LRP2BP: variants seen among roughly 807,000 people sequenced by gnomAD.
LRP2BP encodes the protein LRP2-binding protein.
LRP2BP carries 38 observed loss-of-function variants against 45.2 expected under a neutral mutation model. That is an observed-to-expected ratio of 0.84 (90% confidence interval 0.65 to 1.10). The LOEUF is 1.10. Among genes scored for constraint, LRP2BP ranks in the 50% least tolerant of loss-of-function variants. The pLI, the probability that LRP2BP is intolerant of heterozygous loss-of-function variation, is 0.00. For synonymous variants in LRP2BP, 153 were observed against 153.9 expected (o/e 0.99, Z 0.04); for missense variants, 385 against 418.9 (o/e 0.92, Z 0.71).
intron 7 of LRP2BP, among the ~76,000 whole-genome samples, chr4:185,371,490 C>G (rs956731194): frequency 2.7e-5 from 4 of 148,396 alleles, no homozygotes; most frequent in African/African-American, 5.0e-5. Flanking sequence ...TGCAGTGAGC[C>G]GAGATCGCAC....
intron 1 of LRP2BP, among the ~76,000 whole-genome samples, chr4:185,386,377 A>G (rs1323470448): frequency 6.6e-6 from 1 of 152,232 alleles, no homozygotes; most frequent in African/African-American, 2.4e-5. Context: ...TAATAACACA[A>G]AAATATAAAC....
At position 185,376,971 on chromosome 4, in the gene LRP2BP, C is replaced by G; in HGVS notation, c.154G>C (p.Glu52Gln). ...AGAGTGTCTCCTTTCAGTATTCTTT[C>G]CTTCAAGAGCTGCAATGCCTTATCC... ...LVDKALQLLK[E>Q]RILKGDTLAY... Residue 52 changes from glutamate (E) to glutamine (Q), a missense_variant, in exon 3 of 9, where the codon GAA becomes CAA. Physicochemically the swap from Glu to Gln is conservative, Grantham distance 29. Transcript: ENST00000505916. 6.2e-7 allele frequency: 1 copy of G among 1,614,042 alleles called. No homozygotes were observed.
chr4:185,380,622 C>T (rs1404750030), intron 1 of LRP2BP, among the ~76,000 whole-genome samples: 1 of 152,158 alleles, frequency 6.6e-6, no homozygotes, highest in Non-Finnish European at 1.5e-5. Flanking sequence ...AACATGACTT[C>T]CTCTTAACTT....
At chr4:185,393,033 A>G (rs1366561611) in intron 1 of LRP2BP, among the ~76,000 whole-genome samples, 2 of 152,200 alleles carry the variant, frequency 1.3e-5, no homozygotes, top group African/African-American at 4.8e-5. Flanking sequence ...TCCTGGGTTC[A>G]AGTGATTCTC....
At chr4:185,388,140 C>T (rs888760988) in intron 1 of LRP2BP, among the ~76,000 whole-genome samples, 4 of 152,090 alleles carry the variant, frequency 2.6e-5, no homozygotes, top group African/African-American at 9.7e-5. Context: ...AGGAGTTCCA[C>T]GGCGTGTAAG....
intron 7 of LRP2BP, among the ~76,000 whole-genome samples, 155 bp downstream of exon 7, chr4:185,372,701 T>C (rs1561077404): frequency 6.6e-6 from 1 of 152,184 alleles, no homozygotes; most frequent in South Asian, 2.1e-4. Flanking sequence ...TCCTGTAGCT[T>C]TCTGCTGTCA....
chr4:185,386,597 AG>A (rs2126834629), intron 1 of LRP2BP, among the ~76,000 whole-genome samples: 1 of 152,280 alleles, frequency 6.6e-6, no homozygotes, highest in African/African-American at 2.4e-5. Context: ...GCTTTGGAAA[AG>A]CTGCCTGATG....
intron 6 of LRP2BP, among the ~76,000 whole-genome samples, chr4:185,373,766 T>C (rs1270401535): frequency 6.6e-6 from 1 of 152,254 alleles, no homozygotes; most frequent in Non-Finnish European, 1.5e-5. Context: ...AAATCTTAGA[T>C]GGATTTTATT....
Position 185,375,600 on chromosome 4 carries a change from G to A in LRP2BP, c.330+13C>T. Reference sequence around the variant, plus strand: ...ATGAAATCTTAACCACTGTGACCAAGACATTAACTTACAGCGTCTAGAGTG... The same window carrying A: ...ATGAAATCTTAACCACTGTGACCAAAACATTAACTTACAGCGTCTAGAGTG... On this transcript the variant is annotated intron_variant, in intron 4 of 8. Transcript: ENST00000505916. 6.8e-7 allele frequency: 1 copy of A among 1,476,890 alleles called. No individual in the cohort carries two copies. Among genetic ancestry groups the A allele is most frequent in the Non-Finnish European group, 9.1e-7 (1 of 1,095,044 alleles). The allele number at this position is 1,476,890 out of a possible 1,614,324, so 91.5% of individuals were successfully genotyped here.
chr4:185,389,434 A>T (rs1191112600), intron 1 of LRP2BP, among the ~76,000 whole-genome samples: 5 of 138,796 alleles, frequency 3.6e-5, no homozygotes, highest in Non-Finnish European at 4.7e-5. Flanking sequence ...CTCGTCTTGA[A>T]CTCCTGACCT....
At chr4:185,382,869 T>C (rs2095459565) in intron 1 of LRP2BP, among the ~76,000 whole-genome samples, 1 of 152,212 alleles carries the variant, frequency 6.6e-6, no homozygotes, top group Non-Finnish European at 1.5e-5. Context: ...GTGCTTTAGG[T>C]GTCACATCTA....
intron 8 of LRP2BP, 58 bp from the exon 9 acceptor site, chr4:185,367,303 CT>C (rs138875428): frequency 0.23 from 237,539 of 1,043,040 alleles, 3,185 homozygotes; most frequent in East Asian, 0.31. Context: ...GGTCTTTCTT[CT>C]TTTTTTTTTT....
At chr4:185,368,509 C>CA (rs2095400435) in intron 8 of LRP2BP, among the ~76,000 whole-genome samples, 1 of 152,216 alleles carries the variant, frequency 6.6e-6, no homozygotes, top group African/African-American at 2.4e-5. Flanking sequence ...ACTGCCGGTC[C>CA]AGTGAACACC....
rs1443356505 is a variant in LRP2BP at position 185,370,791 on chromosome 4, T to C, written c.827A>G (p.His276Arg). 1 of 1,614,148 alleles carries C rather than the reference T, an allele frequency of 6.2e-7. No homozygotes were observed. The highest frequency in any genetic ancestry group is 2.2e-5 in the East Asian group (1 of 44,876). The change falls in exon 8 of 9, where the codon CAC becomes CGC. Residue 276 changes from histidine (H) to arginine (R), a missense_variant. Coordinates refer to ENST00000505916, the MANE Select transcript of LRP2BP (RefSeq NM_001377440.1). ...GACCTGGGCGATCATGGGGATGTCG[T>C]GAACCTCATCATAGTCAGCGATCCT... ...SKRIADYDEV[H>R]DIPMIAQVTD...
At chr4:185,394,271 A>G (rs2126857289) in intron 1 of LRP2BP, among the ~76,000 whole-genome samples, 2 of 145,744 alleles carry the variant, frequency 1.4e-5, no homozygotes, top group South Asian at 4.6e-4. Context: ...AGTTAAAAAA[A>G]AAAAAAAAAA....
chr4:185,386,066 G>C (rs2095470991), intron 1 of LRP2BP, among the ~76,000 whole-genome samples: 1 of 152,182 alleles, frequency 6.6e-6, no homozygotes, highest in South Asian at 2.1e-4. Context: ...AAATGCAGTA[G>C]TCTAACTGAA....
At chr4:185,396,753 C>T (rs981741444), upstream of LRP2BP, 3 of 692,572 alleles carry the variant, frequency 4.3e-6, no homozygotes, top group South Asian at 3.4e-5. Flanking sequence ...TTAGGCTGCT[C>T]GGGCGTAACC....
chr4:185,370,740 C>G lies in LRP2BP; in HGVS notation c.878G>C (p.Gly293Ala), dbSNP rs774354537. Residue 293 changes from glycine to alanine, a missense_variant, in exon 8 of 9, where the codon GGC becomes GCC. Gly to Ala is a moderately conservative substitution (Grantham distance 60). Transcript: ENST00000505916. The part of the protein sequence containing the change: ...QVTDCLPEFI[G>A]RGMAMASFYH... ...GAAGGATGCCATTGCCATGCCTCTG[C>G]CGATGAACTCCGGGAGACAGTCTGT... is the stretch of plus-strand genomic sequence containing the variant. The G allele has an allele frequency of 2.5e-6, 4 of 1,614,070 alleles. No individual in the cohort carries two copies. Among genetic ancestry groups the G allele is most frequent in the Non-Finnish European group, 3.4e-6 (4 of 1,180,016 alleles).
At chr4:185,376,443 C>CTTTTTTTTTTTTTTTTTTTTT (rs34024562) in intron 3 of LRP2BP, among the ~76,000 whole-genome samples, 1 of 105,824 alleles carries the variant, frequency 9.4e-6, no homozygotes, top group African/African-American at 3.9e-5. Flanking sequence ...TGCCCAGCTA[C>CTTTTTTTTTTTTTTTTTTTTT]TTTTTTTTTT....
Sources: gnomAD v4.1 joint callset for allele counts (sites outside exome capture counted in the v4.1 genomes callset) on GRCh38, gnomAD v4.1.1 for gene constraint, MANE v1.5 for transcripts, NCBI Gene and HGNC (gene_info 2026-07-23, HGNC 2026-07-21) for gene names.